Variants in CHRM5 observed in about 807,000 individuals in gnomAD.
CHRM5 encodes the protein muscarinic acetylcholine receptor M5.
Under a neutral mutation model 39.0 loss-of-function variants are expected in CHRM5, and 18 were observed. The ratio of observed to expected loss-of-function variants is 0.46; its 90% CI spans 0.32 to 0.68. The LOEUF is 0.68. Ranked by LOEUF, CHRM5 falls within the 30% of genes least tolerant of loss-of-function variation. The probability of loss-of-function intolerance (pLI) is 0.04; values close to 1 mark genes in which losing one functional copy is unlikely to be tolerated. For synonymous variants in CHRM5, 241 were observed against 246.3 expected (o/e 0.98, Z 0.20); for missense variants, 515 against 651.1 (o/e 0.79, Z 2.28).
chr15:33,993,424 G>C (rs2074397168), intron 1 of CHRM5, among the ~76,000 whole-genome samples: 2 of 152,210 alleles, frequency 1.3e-5, no homozygotes, highest in South Asian at 2.1e-4. Context: ...ATAAAAATGA[G>C]AGTGTCACTG....
intron 1 of CHRM5, among the ~76,000 whole-genome samples, chr15:34,028,723 C>T (rs2243858): frequency 0.64 from 97,572 of 151,960 alleles, 36,672 homozygotes; most frequent in Non-Finnish European, 0.85. Context: ...CTTTCACAGG[C>T]GAGGAAACTG....
chr15:34,031,180 T>TTTA, intron 1 of CHRM5, among the ~76,000 whole-genome samples: 1 of 140,200 alleles, frequency 7.1e-6, no homozygotes, highest in Admixed American at 7.2e-5. Context: ...TTTTTTTTTT[T>TTTA]TTTTTTTTTT....
rs184674869 is a variant in CHRM5, at chr15:34,039,949, G to T, written c.-407-6591G>T. Among the ~76,000 whole-genome samples the T allele has an allele frequency of 1.6e-3, 251 of 152,288 alleles. 2 individuals carry two copies. The highest frequency in any genetic ancestry group is 1.6e-3 in the Non-Finnish European group (106 of 68,022). On this transcript the variant is annotated intron_variant, in intron 1 of 2. Coordinates refer to ENST00000383263, the MANE Select transcript of CHRM5 (RefSeq NM_012125.4). Reference sequence around the variant, plus strand: ...GAGAAAACAGGAAGGGGAACAGTTGGTTACACAGATGCATGAAAGCAGTTT... The same window carrying T: ...GAGAAAACAGGAAGGGGAACAGTTGTTTACACAGATGCATGAAAGCAGTTT...
At chr15:34,015,488 T>C (rs138161905) in intron 1 of CHRM5, among the ~76,000 whole-genome samples, 1 of 150,202 alleles carries the variant, frequency 6.7e-6, no homozygotes, top group Non-Finnish European at 1.5e-5. Context: ...TCTCAAAAAA[T>C]AAAAAAAAAT....
intron 1 of CHRM5, chr15:34,038,950 C>T: frequency 9.1e-7 from 1 of 1,103,490 alleles, no homozygotes; most frequent in South Asian, 4.1e-5. Context: ...GCTACCGCCG[C>T]TGCGGCTCCG....
At chr15:34,017,434 G>T (rs896521883) in intron 1 of CHRM5, among the ~76,000 whole-genome samples, 5 of 149,072 alleles carry the variant, frequency 3.4e-5, no homozygotes, top group African/African-American at 1.2e-4. Flanking sequence ...ACCCATTCTC[G>T]TAAGATGCCA....
At chr15:33,988,058 G>A (rs1198670776) in intron 1 of CHRM5, among the ~76,000 whole-genome samples, 1 of 152,216 alleles carries the variant, frequency 6.6e-6, no homozygotes, top group Non-Finnish European at 1.5e-5. Context: ...GCAGTGCCCT[G>A]AGGCCTGGCT....
chr15:34,007,947 T>C (rs992013807), intron 1 of CHRM5, among the ~76,000 whole-genome samples: 1 of 152,206 alleles, frequency 6.6e-6, no homozygotes, highest in African/African-American at 2.4e-5. Context: ...TATGAGGACA[T>C]GAGTTATACT....
chr15:33,970,798 G>A (rs768424527), intron 1 of CHRM5, among the ~76,000 whole-genome samples: 1 of 151,882 alleles, frequency 6.6e-6, no homozygotes, highest in Non-Finnish European at 1.5e-5. Flanking sequence ...TCATTGTAAT[G>A]TAAACAGAGA....
intron 1 of CHRM5, chr15:34,006,972 A>G: frequency 1.5e-6 from 1 of 689,456 alleles, no homozygotes; most frequent in South Asian, 6.6e-5. Flanking sequence ...TGAAAACTAT[A>G]AAGATAAAGG....
chr15:33,997,189 T>C lies in CHRM5; in HGVS notation c.-408+28039T>C, dbSNP rs979391602. On this transcript the variant is annotated intron_variant, in intron 1 of 2. Transcript: ENST00000383263. The stretch of plus-strand genomic sequence containing the variant: ...ACAGCATAAACAGTAGGATAGAAAA[T>C]TGATAAATTCAACTAAAATTTAAAA... Among the ~76,000 whole-genome samples, 4 of 152,200 alleles carry C rather than the reference T, an allele frequency of 2.6e-5. No individual in the cohort carries two copies. The East Asian group carries it at 5.8e-4, about 22-fold the overall frequency.
intron 1 of CHRM5, among the ~76,000 whole-genome samples, chr15:33,983,580 A>G (rs1457602141): frequency 6.6e-6 from 1 of 152,086 alleles, no homozygotes; most frequent in Non-Finnish European, 1.5e-5. Flanking sequence ...CTTTTAAGGA[A>G]AAACAGTATC....
At chr15:34,043,065 G>C (rs1285185179) in intron 1 of CHRM5, among the ~76,000 whole-genome samples, 1 of 151,980 alleles carries the variant, frequency 6.6e-6, no homozygotes, top group African/African-American at 2.4e-5. Flanking sequence ...GGCTAACACA[G>C]TGAAACCCCG....
chr15:34,016,488 A>C (rs1370956080), intron 1 of CHRM5, among the ~76,000 whole-genome samples: 3 of 151,678 alleles, frequency 2.0e-5, no homozygotes, highest in Non-Finnish European at 4.4e-5. Flanking sequence ...TTTTCTTACA[A>C]ATTTCCCCCT....
intron 1 of CHRM5, chr15:34,039,288 G>T: frequency 5.8e-6 from 1 of 172,700 alleles, no homozygotes; most frequent in Non-Finnish European, 1.2e-5. Flanking sequence ...CTGGGAGCTG[G>T]AAGTGGTGGG....
At chr15:34,027,307 G>A (rs911001796) in intron 1 of CHRM5, among the ~76,000 whole-genome samples, 1 of 151,946 alleles carries the variant, frequency 6.6e-6, no homozygotes, top group African/African-American at 2.4e-5. Flanking sequence ...CTGAGGTCAG[G>A]AGTTCAAAAC....
intron 1 of CHRM5, among the ~76,000 whole-genome samples, chr15:33,976,379 T>A (rs1242505976): frequency 6.6e-6 from 1 of 152,240 alleles, no homozygotes; most frequent in Non-Finnish European, 1.5e-5. Flanking sequence ...TAAAATACTT[T>A]AAAATATTTT....
At chr15:34,028,690 G>A (rs1423251634) in intron 1 of CHRM5, among the ~76,000 whole-genome samples, 6 of 152,162 alleles carry the variant, frequency 3.9e-5, no homozygotes, top group Admixed American at 1.3e-4. Context: ...CAACAGCTGT[G>A]TAAGGTAGAT....
At chr15:33,984,564 G>A (rs540023896) in intron 1 of CHRM5, among the ~76,000 whole-genome samples, 11 of 152,076 alleles carry the variant, frequency 7.2e-5, no homozygotes, top group East Asian at 1.9e-4. Context: ...CATCACACCC[G>A]GCTAATTTTG....
Sources: allele counts gnomAD v4.1 joint callset (sites outside exome capture counted in the v4.1 genomes callset), GRCh38; gene constraint gnomAD v4.1.1; transcripts MANE v1.5; gene names NCBI Gene and HGNC (gene_info 2026-07-23, HGNC 2026-07-21).